The following BANK1 variants were observed in gnomAD, a reference collection of about 807,000 sequenced individuals.
BANK1 encodes B cell scaffold protein with ankyrin repeats 1.
A neutral mutation model predicts 94.5 loss-of-function variants in BANK1; 95 were observed. The observed-to-expected ratio is 1.00, with a 90% CI of 0.85 to 1.19. BANK1 has a LOEUF of 1.19. Among genes scored for constraint, BANK1 ranks in the 50% most tolerant of loss-of-function variants. The probability of loss-of-function intolerance (pLI) is 0.00; values close to 1 mark genes in which losing one functional copy is unlikely to be tolerated. For missense variants in BANK1, 987 were observed against 932.2 expected (o/e 1.06, Z -0.77); for synonymous variants, 334 against 308.4 (o/e 1.08, Z -0.87).
intron 1 of BANK1, among the ~76,000 whole-genome samples, chr4:101,804,196 TAAG>T (rs1725471452): frequency 1.3e-5 from 2 of 152,078 alleles, no homozygotes; most frequent in Admixed American, 6.6e-5. Flanking sequence ...TATTCACATT[TAAG>T]AAGAATGTAG....
intron 1 of BANK1, among the ~76,000 whole-genome samples, chr4:101,807,417 A>G (rs1725592257): frequency 1.3e-5 from 2 of 152,186 alleles, no homozygotes; most frequent in Admixed American, 6.5e-5. Context: ...TCTCTTTGAT[A>G]GTGTTGGAAT....
At chr4:101,950,060 T>TGTGTGTGCGC (rs369393040) in intron 7 of BANK1, among the ~76,000 whole-genome samples, 14 of 139,486 alleles carry the variant, frequency 1.0e-4, no homozygotes, top group Middle Eastern at 3.6e-3. Flanking sequence ...TGTGTGTGTG[T>TGTGTGTGCGC]GCGCGTGCGC....
intron 7 of BANK1, among the ~76,000 whole-genome samples, chr4:101,944,534 C>T (rs567136913): frequency 6.6e-6 from 1 of 152,016 alleles, no homozygotes; most frequent in Admixed American, 6.6e-5. Context: ...TCCATAGCAT[C>T]CTATTCTCTC....
intron 1 of BANK1, among the ~76,000 whole-genome samples, chr4:101,804,026 GAA>G (rs1725459806): frequency 1.2e-5 from 1 of 86,362 alleles, no homozygotes; most frequent in South Asian, 3.6e-4. Context: ...AAAAAAAAAA[GAA>G]ATATATAAAA....
intron 7 of BANK1, among the ~76,000 whole-genome samples, chr4:101,959,626 C>T (rs1241854015): frequency 6.6e-6 from 1 of 152,170 alleles, no homozygotes; most frequent in African/African-American, 2.4e-5. Context: ...AATATATTCA[C>T]CTGTGTTATC....
intron 5 of BANK1, among the ~76,000 whole-genome samples, chr4:101,880,347 A>G (rs896044127): frequency 6.6e-6 from 1 of 152,076 alleles, no homozygotes; most frequent in African/African-American, 2.4e-5. Flanking sequence ...GTAGCCACAA[A>G]TAAAATTAAG....
At chr4:101,799,718 C>CA (rs1725289431) in intron 1 of BANK1, among the ~76,000 whole-genome samples, 1 of 151,912 alleles carries the variant, frequency 6.6e-6, no homozygotes, top group Non-Finnish European at 1.5e-5. Flanking sequence ...ACTAAAAACA[C>CA]AAAAAATTAG....
At chr4:102,042,866 G>A (rs1248615872) in intron 10 of BANK1, among the ~76,000 whole-genome samples, 1 of 151,896 alleles carries the variant, frequency 6.6e-6, no homozygotes, top group African/African-American at 2.4e-5. Flanking sequence ...GTTATGGAGG[G>A]GAAGTGGCAG....
intron 11 of BANK1, among the ~76,000 whole-genome samples, chr4:102,059,127 C>A (rs982601926): frequency 1.3e-5 from 2 of 152,204 alleles, no homozygotes; most frequent in Non-Finnish European, 2.9e-5. Context: ...AATTTGAATG[C>A]CCTCCCCATT....
Position 102,025,425 on chromosome 4 carries a change from C to G in BANK1, c.1510C>G (p.Leu504Val), listed in dbSNP as rs1186276449. ...ADPENNSQEP[L>V]MSSRPPLPPP... is the part of the protein sequence containing the mutation. ...TCCAGAAAATAATTCACAAGAGCCA[C>G]TCATGAGCAGCAGACCTCCTCTCCC... The change falls in exon 9 of 17, where the codon CTC becomes GTC. Residue 504 changes from leucine to valine, a missense_variant. Physicochemically the swap from Leu to Val is conservative, Grantham distance 32. Coordinates refer to ENST00000322953, the MANE Select transcript of BANK1 (RefSeq NM_017935.5). 6.2e-7 allele frequency: 1 copy of G among 1,614,094 alleles called. No individual in the cohort carries two copies. Among genetic ancestry groups the G allele is most frequent in the Non-Finnish European group, 8.5e-7 (1 of 1,180,016 alleles).
intron 7 of BANK1, among the ~76,000 whole-genome samples, chr4:101,929,523 A>G (rs1203083591): frequency 6.6e-6 from 1 of 151,626 alleles, no homozygotes; most frequent in Non-Finnish European, 1.5e-5. Flanking sequence ...TCTACTGTAT[A>G]TGGCTTTCAA....
intron 5 of BANK1, among the ~76,000 whole-genome samples, chr4:101,889,602 C>CT (rs1721772750): frequency 1.9e-5 from 1 of 53,490 alleles, no homozygotes. Flanking sequence ...GAGACTCCGT[C>CT]TCAAAAAAAA....
At chr4:101,884,445 T>G (rs908351775) in intron 5 of BANK1, among the ~76,000 whole-genome samples, 5 of 152,238 alleles carry the variant, frequency 3.3e-5, no homozygotes, top group Admixed American at 3.3e-4. Flanking sequence ...TCTTTGTAGT[T>G]TCTTCATTCT....
At chr4:101,950,411 A>G (rs1011678342) in intron 7 of BANK1, among the ~76,000 whole-genome samples, 3 of 152,158 alleles carry the variant, frequency 2.0e-5, no homozygotes, top group African/African-American at 7.2e-5. Flanking sequence ...AGATTTAAAG[A>G]GAACTAAGAT....
Position 101,797,777 on chromosome 4 carries a change from G to A in BANK1, c.70+6827G>A, listed in dbSNP as rs567426824. On this transcript the variant is annotated intron_variant, in intron 1 of 16. Transcript: ENST00000322953. The stretch of plus-strand genomic sequence containing the variant: ...CAGATCTGTTACATTTGAGGAGCAT[G>A]AGAAATAGTCACATTAAGATGTCAA... Among the ~76,000 whole-genome samples the A allele has an allele frequency of 3.9e-5, 6 of 152,302 alleles. No individual in the cohort carries two copies. In the East Asian group the frequency reaches 1.2e-3, roughly 29 times the overall value.
At chr4:101,868,268 A>G (rs1728152215) in intron 4 of BANK1, among the ~76,000 whole-genome samples, 1 of 152,048 alleles carries the variant, frequency 6.6e-6, no homozygotes. Flanking sequence ...ATCAAAACAC[A>G]GATACACCAA....
At chr4:101,895,166 T>G (rs1288762610) in intron 5 of BANK1, 139 bp from the exon 6 acceptor site, 1 of 477,466 alleles carries the variant, frequency 2.1e-6, no homozygotes, top group Non-Finnish European at 3.7e-6. Context: ...TTTGATTTAT[T>G]CTTTCTAAAA....
intron 2 of BANK1, among the ~76,000 whole-genome samples, chr4:101,840,010 C>T (rs1726981367): frequency 9.7e-6 from 1 of 103,168 alleles, no homozygotes; most frequent in Admixed American, 1.5e-4. Flanking sequence ...GCTCTGTCGC[C>T]CAGGCTGGAG....
intron 7 of BANK1, among the ~76,000 whole-genome samples, chr4:101,952,461 A>G (rs1409491682): frequency 6.6e-6 from 1 of 152,168 alleles, no homozygotes; most frequent in Non-Finnish European, 1.5e-5. Context: ...TCTGCTGTCA[A>G]TGGAAAATAA....
Sources: allele counts gnomAD v4.1 joint callset (sites outside exome capture counted in the v4.1 genomes callset), GRCh38; gene constraint gnomAD v4.1.1; transcripts MANE v1.5; gene names NCBI Gene and HGNC (gene_info 2026-07-23, HGNC 2026-07-21).